PRKCA: variants seen among roughly 807,000 people sequenced by gnomAD.
PRKCA encodes protein kinase C alpha, also known as protein kinase C alpha type.
Under a neutral mutation model 87.0 loss-of-function variants are expected in PRKCA, and 27 were observed. The observed-to-expected ratio is 0.31, with a 90% confidence interval of 0.23 to 0.43. PRKCA has a LOEUF of 0.43. PRKCA is among the 20% of genes least tolerant of loss of function. The pLI, the probability that PRKCA is intolerant of heterozygous loss-of-function variation, is 1.00. For synonymous variants in PRKCA, 329 were observed against 311.1 expected, an observed-to-expected ratio of 1.06 and a Z score of -0.61; for missense variants, 518 against 852.3, an observed-to-expected ratio of 0.61 and a Z score of 4.88.
chr17:66,447,111 G>A (rs1478973450), intron 2 of PRKCA, among the ~76,000 whole-genome samples: 7 of 152,188 alleles, frequency 4.6e-5, no homozygotes, highest in Non-Finnish European at 8.8e-5. Context: ...CACTCCGAGT[G>A]TAAGAGCTCT....
chr17:66,456,163 T>C (rs1914568199), intron 2 of PRKCA, among the ~76,000 whole-genome samples: 1 of 152,076 alleles, frequency 6.6e-6, no homozygotes, highest in Admixed American at 6.6e-5. Flanking sequence ...GAACAGATTC[T>C]TTCTCAGAGC....
At chr17:66,646,978 C>T (rs1971473956) in intron 5 of PRKCA, among the ~76,000 whole-genome samples, 1 of 152,062 alleles carries the variant, frequency 6.6e-6, no homozygotes, top group East Asian at 1.9e-4. Context: ...GTGCCATTGC[C>T]TTTGGGGCTG....
chr17:66,777,189 A>G, intron 14 of PRKCA: 1 of 985,264 alleles, frequency 1.0e-6, no homozygotes. Flanking sequence ...CCGAACAGCC[A>G]CCTGTTGTAA....
intron 3 of PRKCA, among the ~76,000 whole-genome samples, chr17:66,566,081 C>T (rs36122137): frequency 0.22 from 34,177 of 151,972 alleles, 3,967 homozygotes; most frequent in South Asian, 0.34. Context: ...AGGGGTAGGA[C>T]GGATAGGTGG....
chr17:66,692,114 G>A (rs1271416742), intron 8 of PRKCA, among the ~76,000 whole-genome samples: 2 of 152,228 alleles, frequency 1.3e-5, no homozygotes, highest in Non-Finnish European at 2.9e-5. Flanking sequence ...CCAGCCCAAG[G>A]CTGTGAGCAT....
intron 5 of PRKCA, among the ~76,000 whole-genome samples, chr17:66,673,813 C>T (rs1972254343): frequency 6.6e-6 from 1 of 152,184 alleles, no homozygotes; most frequent in South Asian, 2.1e-4. Context: ...TAACCAAGAG[C>T]AAAAGTCCCT....
intron 5 of PRKCA, among the ~76,000 whole-genome samples, chr17:66,646,781 A>G (rs1386186853): frequency 6.6e-6 from 1 of 152,158 alleles, no homozygotes; most frequent in Non-Finnish European, 1.5e-5. Flanking sequence ...GAACTCAGAG[A>G]AGAACAAAGG....
chr17:66,340,905 A>G (rs1054988671), intron 2 of PRKCA, among the ~76,000 whole-genome samples: 4 of 152,078 alleles, frequency 2.6e-5, no homozygotes, highest in Non-Finnish European at 5.9e-5. Context: ...GTTATTGTCA[A>G]AAGCTGCGAG....
chr17:66,719,888 C>G (rs997716216), intron 8 of PRKCA, among the ~76,000 whole-genome samples: 1 of 152,212 alleles, frequency 6.6e-6, no homozygotes, highest in African/African-American at 2.4e-5. Context: ...GGCAGCCTTG[C>G]TGTAGAAATT....
chr17:66,345,818 T>A (rs1371944747), intron 2 of PRKCA, among the ~76,000 whole-genome samples: 1 of 152,128 alleles, frequency 6.6e-6, no homozygotes, highest in Non-Finnish European at 1.5e-5. Context: ...TTTGAAAACA[T>A]TTGAAAATGG....
In PRKCA at chr17:66,569,215, G is replaced by A. The variant is rs1189189322; in HGVS notation, c.289-72140G>A. Among the ~76,000 whole-genome samples, 4 of 152,238 alleles carry A rather than the reference G, an allele frequency of 2.6e-5. No homozygotes were observed. In the East Asian group the frequency reaches 7.7e-4, roughly 29 times the overall value. On this transcript the variant is annotated intron_variant, in intron 3 of 16. Transcript: ENST00000413366. ...TTGAAACATCAAAGAATGAAAGGTA[G>A]ACTGGTATTGGGGGAAGATATTTGC...
chr17:66,774,806 A>T (rs1050766764), intron 14 of PRKCA: 2 of 985,274 alleles, frequency 2.0e-6, no homozygotes, highest in Non-Finnish European at 2.4e-6. Flanking sequence ...GTGTTTTAAT[A>T]GTTTCTCCCC....
Position 66,803,831 on chromosome 17 carries a change from C to A in PRKCA, c.1855-42C>A. On this transcript the variant is annotated intron_variant, in intron 16 of 16. Transcript: ENST00000413366. The surrounding 1 kb of genome is among the most constrained non-coding windows in gnomAD (Gnocchi z 4.4). ...CCTCGGAGAGCTGCTCCCGCATTGTCATGTTGACTGACCTTTCCTTCTTTT... is the reference window on the plus strand; with the variant it reads ...CCTCGGAGAGCTGCTCCCGCATTGTAATGTTGACTGACCTTTCCTTCTTTT... 6.2e-7 allele frequency: 1 copy of A among 1,604,384 alleles called. No individual in the cohort carries two copies. Among genetic ancestry groups the A allele is most frequent in the South Asian group, 1.1e-5 (1 of 90,194 alleles).
At chr17:66,512,643 T>C (rs746321976) in intron 3 of PRKCA, among the ~76,000 whole-genome samples, 5 of 152,108 alleles carry the variant, frequency 3.3e-5, no homozygotes, top group Non-Finnish European at 7.4e-5. Flanking sequence ...ATGATGCTCA[T>C]TCGTACGATT....
intron 3 of PRKCA, among the ~76,000 whole-genome samples, chr17:66,626,188 C>T (rs77001353): frequency 0.028 from 4,278 of 151,536 alleles, 188 homozygotes; most frequent in African/African-American, 0.096. Flanking sequence ...CTTTTGTCTT[C>T]CTCTTTTTCT....
chr17:66,614,523 T>C (rs1368522617), intron 3 of PRKCA, among the ~76,000 whole-genome samples: 1 of 152,214 alleles, frequency 6.6e-6, no homozygotes, highest in Non-Finnish European at 1.5e-5. Flanking sequence ...CCTGTTACCA[T>C]ATCTGTGTTT....
intron 8 of PRKCA, among the ~76,000 whole-genome samples, chr17:66,726,288 A>G (rs1267370599): frequency 6.6e-6 from 1 of 152,210 alleles, no homozygotes; most frequent in Non-Finnish European, 1.5e-5. Context: ...GCAGGTGTGC[A>G]GGACAGAAAG....
chr17:66,798,389 G>GTGGTGGTGGTGGTGGTGATGGTGA (rs1568040620), intron 16 of PRKCA, among the ~76,000 whole-genome samples: 1 of 105,910 alleles, frequency 9.4e-6, no homozygotes, highest in African/African-American at 4.8e-5. Context: ...GGTGGTGGTG[G>GTGGTGGTGGTGGTGGTGATGGTGA]TGGTGGTGGT....
intron 5 of PRKCA, among the ~76,000 whole-genome samples, chr17:66,659,113 G>A (rs8067961): frequency 0.57 from 87,240 of 151,952 alleles, 25,376 homozygotes; most frequent in African/African-American, 0.69. Flanking sequence ...GAACCCTGAC[G>A]TTCCCTTCAG....
Sources: gnomAD v4.1 joint callset for allele counts (sites outside exome capture counted in the v4.1 genomes callset) on GRCh38, gnomAD v4.1.1 for gene constraint, Gnocchi (gnomAD v3.1) non-coding constraint, MANE v1.5 for transcripts, NCBI Gene and HGNC (gene_info 2026-07-23, HGNC 2026-07-21) for gene names.